Variants in HPSE2 observed in about 807,000 individuals in gnomAD.
HPSE2 encodes inactive heparanase-2.
HPSE2 carries 38 observed loss-of-function variants against 60.5 expected under a neutral mutation model. That is an observed-to-expected ratio of 0.63 (90% CI 0.48 to 0.82). The LOEUF is 0.82. Ranked by LOEUF, HPSE2 falls within the 40% of genes least tolerant of loss-of-function variation. The probability of loss-of-function intolerance (pLI) is 0.00; values close to 1 mark genes in which losing one functional copy is unlikely to be tolerated. For missense variants in HPSE2, 713 were observed against 740.4 expected (o/e 0.96, Z 0.43); for synonymous variants, 295 against 293.2 (o/e 1.01, Z -0.06).
At chr10:99,071,806 T>C (rs1311451539) in intron 3 of HPSE2, among the ~76,000 whole-genome samples, 1 of 152,214 alleles carries the variant, frequency 6.6e-6, no homozygotes, top group Non-Finnish European at 1.5e-5. Flanking sequence ...TTCCCAACAC[T>C]ATTTATTGAA....
intron 3 of HPSE2, among the ~76,000 whole-genome samples, chr10:99,103,333 C>T (rs1199155598): frequency 6.6e-6 from 1 of 152,122 alleles, no homozygotes; most frequent in African/African-American, 2.4e-5. Flanking sequence ...TTCTTATACA[C>T]CAATAACAGA....
At chr10:98,859,241 A>G (rs1422628836) in intron 3 of HPSE2, among the ~76,000 whole-genome samples, 2 of 152,358 alleles carry the variant, frequency 1.3e-5, no homozygotes, top group South Asian at 2.1e-4. Context: ...AGTTTTGACC[A>G]TATGACTCAC....
chr10:99,227,734 G>A (rs1696920249), intron 2 of HPSE2, among the ~76,000 whole-genome samples: 1 of 150,982 alleles, frequency 6.6e-6, no homozygotes, highest in Admixed American at 6.6e-5. Flanking sequence ...GCTAGACATT[G>A]TGGATATACA....
intron 3 of HPSE2, among the ~76,000 whole-genome samples, chr10:98,834,392 T>C (rs779065817): frequency 6.6e-6 from 1 of 152,128 alleles, no homozygotes; most frequent in Non-Finnish European, 1.5e-5. Context: ...AATCAAAGAT[T>C]TATTCTAGTT....
intron 9 of HPSE2, among the ~76,000 whole-genome samples, chr10:98,600,915 A>ATGTGTGTG (rs1554950550): frequency 3.0e-5 from 1 of 33,582 alleles, no homozygotes; most frequent in Admixed American, 4.0e-4. Context: ...GTGTGTGTAT[A>ATGTGTGTG]TATATATATA....
rs1951999427 is a variant in HPSE2, at chr10:98,844,867, C to CA, written c.611-100812dup. Among the ~76,000 whole-genome samples, 3 of 152,066 alleles carry CA rather than the reference C, an allele frequency of 2.0e-5. No individual in the cohort carries two copies. In the South Asian group the frequency reaches 6.2e-4, roughly 32 times the overall value. On this transcript the variant is annotated intron_variant, in intron 3 of 11. Transcript: ENST00000370552. ...AAGTAGTGACATTCATTGAGAACAC[C>CA]AAAATTCTAACCTTGGTATTCTGAT...
At chr10:98,687,042 T>C (rs1178035226) in intron 6 of HPSE2, among the ~76,000 whole-genome samples, 1 of 151,574 alleles carries the variant, frequency 6.6e-6, no homozygotes, top group African/African-American at 2.4e-5. Context: ...TGGATTTTTC[T>C]ATTTTTTTCT....
At chr10:99,254,475 C>T in the HPSE2 span, among the ~76,000 whole-genome samples, 1 of 151,966 alleles carries the variant, frequency 6.6e-6, no homozygotes, top group South Asian at 2.1e-4. Context: ...ATCATTTGTA[C>T]CCCAAACCTC....
chr10:99,216,165 C>T lies in HPSE2; in HGVS notation c.448+16183G>A, dbSNP rs184749564. 2.1e-5 allele frequency among the ~76,000 whole-genome samples: 3 copies of T among 146,114 alleles called. No individual in the cohort carries two copies. In the Admixed American group the frequency reaches 2.1e-4, roughly 10 times the overall value. ...ATGCAGAGGAAGCTTTTAAAAATCT[C>T]GGCAATGGTCTAATAACCTAAACTT... On this transcript the variant is annotated intron_variant, in intron 2 of 11. Transcript: ENST00000370552.
At chr10:99,116,708 A>C (rs1844705452) in intron 3 of HPSE2, among the ~76,000 whole-genome samples, 1 of 152,234 alleles carries the variant, frequency 6.6e-6, no homozygotes, top group Admixed American at 6.5e-5. Flanking sequence ...CACGGAGAAC[A>C]AAAGCCAGAC....
intron 2 of HPSE2, among the ~76,000 whole-genome samples, chr10:99,222,910 A>G (rs956231096): frequency 6.6e-5 from 10 of 152,202 alleles, no homozygotes; most frequent in Non-Finnish European, 1.5e-5. Flanking sequence ...GGGAAGGCAT[A>G]TGGCACACAT....
chr10:99,311,258 T>A, the HPSE2 span, among the ~76,000 whole-genome samples: 1 of 152,202 alleles, frequency 6.6e-6, no homozygotes, highest in East Asian at 1.9e-4. Context: ...CATAAAAATT[T>A]TATTGGCAAT....
chr10:99,251,494 G>A, the HPSE2 span, among the ~76,000 whole-genome samples: 2 of 36,724 alleles, frequency 5.4e-5, no homozygotes, highest in Middle Eastern at 0.014. Flanking sequence ...ATTCTATGGA[G>A]CCAGCATCAC....
intron 5 of HPSE2, among the ~76,000 whole-genome samples, chr10:98,719,904 G>A (rs1948882090): frequency 6.6e-6 from 1 of 151,872 alleles, no homozygotes; most frequent in Non-Finnish European, 1.5e-5. Flanking sequence ...GGGAGGTTGA[G>A]GCAGGAGAAT....
chr10:98,959,209 T>G (rs1955585446), intron 3 of HPSE2, among the ~76,000 whole-genome samples: 1 of 152,106 alleles, frequency 6.6e-6, no homozygotes, highest in South Asian at 2.1e-4. Flanking sequence ...TCATTATTAC[T>G]TTGCATTCTG....
chr10:98,547,587 T>G (rs1943727035), intron 9 of HPSE2, among the ~76,000 whole-genome samples: 1 of 131,760 alleles, frequency 7.6e-6, no homozygotes, highest in East Asian at 2.4e-4. Flanking sequence ...TTCTCACTCA[T>G]AGGTGGGAAT....
At chr10:99,019,557 C>G (rs187474885) in intron 3 of HPSE2, among the ~76,000 whole-genome samples, 12 of 152,228 alleles carry the variant, frequency 7.9e-5, no homozygotes, top group Admixed American at 7.8e-4. Context: ...CATGTATATA[C>G]CTTCAGGCTT....
At chr10:98,666,051 A>T (rs1426155184) in intron 6 of HPSE2, among the ~76,000 whole-genome samples, 1 of 152,208 alleles carries the variant, frequency 6.6e-6, no homozygotes, top group Non-Finnish European at 1.5e-5. Flanking sequence ...TCTCACATGT[A>T]ATAACATCCA....
chr10:99,133,882 C>G (rs9663755), intron 3 of HPSE2, among the ~76,000 whole-genome samples: 1 of 152,034 alleles, frequency 6.6e-6, no homozygotes, highest in Non-Finnish European at 1.5e-5. Context: ...TTTGACAGAT[C>G]GACAGAAGTA....
Sources: allele counts gnomAD v4.1 joint callset (sites outside exome capture counted in the v4.1 genomes callset), GRCh38; gene constraint gnomAD v4.1.1; transcripts MANE v1.5; gene names NCBI Gene and HGNC (gene_info 2026-07-23, HGNC 2026-07-21).